Variants in MPC2 observed in about 807,000 individuals in gnomAD.
MPC2 encodes mitochondrial pyruvate carrier 2, also known as brain protein 44.
MPC2 carries 19 observed loss-of-function variants against 19.2 expected under a neutral mutation model. The observed-to-expected ratio is 0.99, with a 90% CI of 0.69 to 1.45. The LOEUF (loss-of-function observed/expected upper bound fraction) is 1.45, where lower values mean the gene tolerates loss of function less well. Ranked by LOEUF, MPC2 falls within the 40% of genes most tolerant of loss-of-function variation. The pLI is 0.00. For missense variants in MPC2, 122 were observed against 153.0 expected (o/e 0.80, Z 1.07); for synonymous variants, 61 against 54.3 (o/e 1.12, Z -0.54).
intron 2 of MPC2, among the ~76,000 whole-genome samples, chr1:167,926,318 G>A (rs1670754379): frequency 6.6e-6 from 1 of 152,142 alleles, no homozygotes. Flanking sequence ...TTCAGTTTCT[G>A]TTATCCAGTT....
At chr1:167,932,517 G>GAA (rs1467275358) in intron 2 of MPC2, among the ~76,000 whole-genome samples, 1 of 151,946 alleles carries the variant, frequency 6.6e-6, no homozygotes. Context: ...AAGCTTTTAA[G>GAA]AAAACATTGG....
rs115510160 is a variant in MPC2, at chr1:167,930,481, C to T, written c.109+5252G>A. On this transcript the variant is annotated intron_variant, in intron 2 of 5. Transcript: ENST00000271373. ...GGATAAAAAACTAGATCCCTAAATC[C>T]TAATCTAACAATAATTATATGACTT... Among the ~76,000 whole-genome samples, 956 of 152,184 alleles carry T rather than the reference C, an allele frequency of 6.3e-3. 8 individuals are homozygous for T. The highest frequency in any genetic ancestry group is 0.022 in the African/African-American group (904 of 41,512).
intron 2 of MPC2, among the ~76,000 whole-genome samples, chr1:167,935,402 G>T (rs1258367841): frequency 2.0e-5 from 3 of 152,226 alleles, no homozygotes; most frequent in African/African-American, 7.2e-5. Flanking sequence ...GAAAGAGAAT[G>T]AGTGTTTCAT....
At chr1:167,934,070 C>T (rs924306129) in intron 2 of MPC2, among the ~76,000 whole-genome samples, 16 of 152,136 alleles carry the variant, frequency 1.1e-4, no homozygotes, top group Non-Finnish European at 1.6e-4. Flanking sequence ...CCTTTTACTA[C>T]ACTGAAAAAG....
At chr1:167,920,448 G>T in intron 4 of MPC2, 99 bp downstream of exon 4, 2 of 1,173,798 alleles carry the variant, frequency 1.7e-6, no homozygotes, top group South Asian at 1.5e-5. Context: ...TTGTGTGTGG[G>T]TGTATTTCAA....
intron 3 of MPC2, among the ~76,000 whole-genome samples, chr1:167,923,521 T>C (rs1670654177): frequency 1.3e-5 from 2 of 152,016 alleles, no homozygotes; most frequent in South Asian, 4.1e-4. Flanking sequence ...GAAGGTAGAA[T>C]GGTGGTTGCC....
chr1:167,919,352 G>A (rs936095430), intron 5 of MPC2, among the ~76,000 whole-genome samples: 1 of 152,144 alleles, frequency 6.6e-6, no homozygotes, highest in Admixed American at 6.6e-5. Flanking sequence ...TAGTATAAAA[G>A]CATAAGAAGG....
At chr1:167,927,486 A>C (rs1331524078) in intron 2 of MPC2, among the ~76,000 whole-genome samples, 1 of 152,196 alleles carries the variant, frequency 6.6e-6, no homozygotes, top group Non-Finnish European at 1.5e-5. Flanking sequence ...TCATCAATCA[A>C]GAGTCAGTCC....
chr1:167,935,950 G>A (rs1450985713), intron 1 of MPC2, 52 bp from the exon 2 acceptor site: 4 of 819,300 alleles, frequency 4.9e-6, no homozygotes, highest in Non-Finnish European at 8.0e-6. Context: ...ACTCGCGTCC[G>A]CCTCTCGCCT....
intron 3 of MPC2, 103 bp from the exon 4 acceptor site, chr1:167,920,734 C>A (rs746127487): frequency 1.0e-5 from 12 of 1,154,806 alleles, no homozygotes; most frequent in Admixed American, 2.9e-5. Flanking sequence ...CGTAAGTTAG[C>A]AGCTATAATT....
intron 1 of MPC2, 112 bp from the exon 2 acceptor site, chr1:167,936,010 C>A: frequency 1.6e-6 from 1 of 616,932 alleles, no homozygotes; most frequent in South Asian, 2.0e-5. Flanking sequence ...CGAAAAGCTG[C>A]GGCCCGCGCC....
At chr1:167,936,197 C>T (rs193142916) in intron 1 of MPC2, 98 of 262,152 alleles carry the variant, frequency 3.7e-4, no homozygotes, top group Admixed American at 2.3e-3. Flanking sequence ...CCATGATTGG[C>T]CCGCCCCGAG....
intron 5 of MPC2, among the ~76,000 whole-genome samples, chr1:167,918,794 C>T (rs903341627): frequency 1.1e-4 from 17 of 151,816 alleles, no homozygotes; most frequent in African/African-American, 2.4e-5. Flanking sequence ...GGTGTTTCAC[C>T]GTGTTAGCCA....
At chr1:167,918,853 A>G (rs1670533648) in intron 5 of MPC2, among the ~76,000 whole-genome samples, 1 of 152,078 alleles carries the variant, frequency 6.6e-6, no homozygotes, top group African/African-American at 2.4e-5. Flanking sequence ...TCGGCCTCCC[A>G]AAGTGCTGGG....
chr1:167,924,239 T>C (rs1203773563), intron 3 of MPC2, among the ~76,000 whole-genome samples: 1 of 152,168 alleles, frequency 6.6e-6, no homozygotes, highest in African/African-American at 2.4e-5. Flanking sequence ...AAATTTCATG[T>C]CCATGTGGTG....
intron 1 of MPC2, 115 bp from the exon 2 acceptor site, chr1:167,936,013 C>T: frequency 1.6e-6 from 1 of 614,298 alleles, no homozygotes; most frequent in Non-Finnish European, 2.9e-6. Flanking sequence ...AAAGCTGCGG[C>T]CCGCGCCCCG....
rs1387347595 is a variant in MPC2, at chr1:167,925,440, C to CATATATATAT, written c.110-904_110-903insATATATATAT. On this transcript the variant is annotated intron_variant, in intron 2 of 5. Coordinates refer to ENST00000271373, the MANE Select transcript of MPC2 (RefSeq NM_001143674.4). ...TATATAATATACAGATATACATATA[C>CATATATATAT]ACATATATATATATATATATATATA... is the stretch of plus-strand genomic sequence containing the variant. 2.0e-4 allele frequency among the ~76,000 whole-genome samples: 10 copies of CATATATATAT among 49,648 alleles called. No individual in the cohort carries two copies. In the East Asian group the frequency reaches 2.8e-3, roughly 14 times the overall value. 32.6% of individuals were successfully genotyped at this position (49,648 alleles called of 152,430 possible).
intron 2 of MPC2, among the ~76,000 whole-genome samples, chr1:167,934,553 A>C (rs75872059): frequency 0.03 from 4,511 of 152,280 alleles, 197 homozygotes; most frequent in African/African-American, 0.1. Context: ...GCAGTAAATA[A>C]TATTAAGGGT....
chr1:167,927,817 T>C (rs1444977589), intron 2 of MPC2, among the ~76,000 whole-genome samples: 4 of 152,186 alleles, frequency 2.6e-5, no homozygotes, highest in Non-Finnish European at 5.9e-5. Flanking sequence ...AAACATCAAA[T>C]TATGGTTGCT....
Sources: gnomAD v4.1 joint callset for allele counts (sites outside exome capture counted in the v4.1 genomes callset) on GRCh38, gnomAD v4.1.1 for gene constraint, MANE v1.5 for transcripts, NCBI Gene and HGNC (gene_info 2026-07-23, HGNC 2026-07-21) for gene names.